CSMD3: variants seen among roughly 807,000 people sequenced by gnomAD.
CSMD3 encodes CUB and sushi domain-containing protein 3.
CSMD3 carries 177 observed loss-of-function variants against 435.2 expected under a neutral mutation model. That is an observed-to-expected ratio of 0.41 (90% CI 0.36 to 0.46). The LOEUF (loss-of-function observed/expected upper bound fraction) is 0.46. Among genes scored for constraint, CSMD3 ranks in the 20% least tolerant of loss-of-function variants. CSMD3 has a pLI of 0.34. For synonymous variants in CSMD3, 1,656 were observed against 1,520.5 expected (o/e 1.09, Z -2.07); for missense variants, 4,265 against 4,504.6 (o/e 0.95, Z 1.52).
chr8:112,384,720 T>C (rs1829783935), intron 36 of CSMD3, among the ~76,000 whole-genome samples: 1 of 152,224 alleles, frequency 6.6e-6, no homozygotes, highest in Admixed American at 6.5e-5. Flanking sequence ...GAGTGCCACA[T>C]GGCAATAGAT....
In CSMD3 at chr8:113,017,633, G is replaced by C. The variant is rs116768102; in HGVS notation, c.1030+1434C>G. On this transcript the variant is annotated intron_variant, in intron 6 of 70. Coordinates refer to ENST00000297405, the MANE Select transcript of CSMD3 (RefSeq NM_198123.2). ...CTTAACTAATTGTAGAAAGGAATCAGAGCCACAGAGTTAGGTGGATGAAAA... is the reference window on the plus strand; with the variant it reads ...CTTAACTAATTGTAGAAAGGAATCACAGCCACAGAGTTAGGTGGATGAAAA... Among the ~76,000 whole-genome samples the C allele has an allele frequency of 6.6e-3, 998 of 151,992 alleles. 11 individuals are homozygous for C. The highest frequency in any genetic ancestry group is 0.023 in the African/African-American group (957 of 41,506).
intron 10 of CSMD3, among the ~76,000 whole-genome samples, chr8:112,883,849 T>C (rs1294676826): frequency 1.4e-5 from 2 of 139,366 alleles, no homozygotes; most frequent in Non-Finnish European, 3.0e-5. Flanking sequence ...TCACTTTTTT[T>C]GTATGTGAGA....
chr8:112,647,828 T>C (rs1332238374), intron 19 of CSMD3, among the ~76,000 whole-genome samples: 1 of 152,198 alleles, frequency 6.6e-6, no homozygotes, highest in Non-Finnish European at 1.5e-5. Context: ...TTAAGTTGCA[T>C]TTGTTTTATA....
At chr8:112,465,003 T>C (rs1381194794) in intron 32 of CSMD3, among the ~76,000 whole-genome samples, 1 of 152,198 alleles carries the variant, frequency 6.6e-6, no homozygotes, top group Non-Finnish European at 1.5e-5. Context: ...GCACTTACAA[T>C]AGGCTTGACA....
chr8:112,868,121 G>A (rs1489595953), intron 10 of CSMD3, among the ~76,000 whole-genome samples: 1 of 151,452 alleles, frequency 6.6e-6, no homozygotes, highest in Admixed American at 6.6e-5. Context: ...ACACACATTA[G>A]CCTAGGTCTA....
chr8:112,524,905 T>TA (rs985087868), intron 27 of CSMD3, among the ~76,000 whole-genome samples: 1 of 152,052 alleles, frequency 6.6e-6, no homozygotes, highest in African/African-American at 2.4e-5. Context: ...ATTGGTTTCT[T>TA]AGCCACATTT....
At position 112,482,549 on chromosome 8, in the gene CSMD3, C is replaced by G. The variant is rs200893103; in HGVS notation, c.5279-9842G>C. On this transcript the variant is annotated intron_variant, in intron 31 of 70. Transcript: ENST00000297405. ...AGTCGCACGCTGTTGTCACTACCCC[C>G]AAGTTCCTGGAAACAGCTAACTTTT... Among the ~76,000 whole-genome samples the G allele has an allele frequency of 6.6e-5, 10 of 152,256 alleles. No homozygotes were observed. In the East Asian group the frequency reaches 1.2e-3, roughly 18 times the overall value.
chr8:112,543,438 T>C (rs1468142216), intron 27 of CSMD3, among the ~76,000 whole-genome samples: 1 of 152,104 alleles, frequency 6.6e-6, no homozygotes, highest in Non-Finnish European at 1.5e-5. Flanking sequence ...TGAATAGGCA[T>C]TTCTATAAAA....
intron 59 of CSMD3, among the ~76,000 whole-genome samples, chr8:112,274,808 T>C (rs1586619443): frequency 6.6e-6 from 1 of 152,116 alleles, no homozygotes; most frequent in Non-Finnish European, 1.5e-5. Flanking sequence ...CATGCAAGTA[T>C]GTATCTACAC....
Position 112,889,533 on chromosome 8 carries a change from G to C in CSMD3, c.1634-30267C>G, listed in dbSNP as rs140040479. Among the ~76,000 whole-genome samples the C allele has an allele frequency of 5.2e-3, 789 of 151,718 alleles. 15 individuals carry two copies. The highest frequency in any genetic ancestry group is 0.018 in the African/African-American group (762 of 41,466). On this transcript the variant is annotated intron_variant, in intron 10 of 70. Coordinates refer to ENST00000297405, the MANE Select transcript of CSMD3 (RefSeq NM_198123.2). ...CAAGCTGCCCAAGTATTTCCAGGCA[G>C]CACCTATGGAAATGTGTGTCTTTTG...
chr8:113,301,688 T>C (rs1383320252), intron 2 of CSMD3, among the ~76,000 whole-genome samples: 1 of 152,046 alleles, frequency 6.6e-6, no homozygotes, highest in African/African-American at 2.4e-5. Context: ...GCCTTTAGTA[T>C]TTCTGAAAAC....
intron 10 of CSMD3, among the ~76,000 whole-genome samples, chr8:112,867,205 T>C (rs1195401984): frequency 2.0e-5 from 3 of 152,158 alleles, no homozygotes; most frequent in Non-Finnish European, 4.4e-5. Flanking sequence ...CCAAGGCAAG[T>C]GCTACCCACA....
At chr8:112,744,974 T>C (rs2077395016) in intron 13 of CSMD3, among the ~76,000 whole-genome samples, 1 of 152,132 alleles carries the variant, frequency 6.6e-6, no homozygotes, top group South Asian at 2.1e-4. Flanking sequence ...ATATCTGATT[T>C]ACAAATATAA....
intron 3 of CSMD3, among the ~76,000 whole-genome samples, chr8:113,185,612 T>G (rs1478057460): frequency 6.6e-6 from 1 of 152,070 alleles, no homozygotes; most frequent in Non-Finnish European, 1.5e-5. Context: ...CTATTAAACT[T>G]TCTCTGAGGA....
intron 30 of CSMD3, among the ~76,000 whole-genome samples, chr8:112,497,468 A>G (rs1193347993): frequency 1.6e-5 from 2 of 128,360 alleles, no homozygotes; most frequent in Non-Finnish European, 3.2e-5. Context: ...AAAATATCTC[A>G]TGTACTCCAT....
chr8:112,839,593 C>T (rs143480367), intron 11 of CSMD3, among the ~76,000 whole-genome samples: 14 of 151,626 alleles, frequency 9.2e-5, no homozygotes, highest in African/African-American at 3.1e-4. Context: ...TAAGTTAGGT[C>T]GTATATATCC....
chr8:112,827,798 G>A lies in CSMD3; in HGVS notation c.1859+1888C>T, dbSNP rs575014520. ...GCAGGCAACGCAAAGGATCTTAGAA[G>A]CTCAAGTGGAAAATGATAGAGGGAT... is the stretch of plus-strand genomic sequence containing the variant. On this transcript the variant is annotated intron_variant, in intron 12 of 70. Transcript: ENST00000297405. 5.3e-5 allele frequency among the ~76,000 whole-genome samples: 8 copies of A among 152,298 alleles called. No homozygotes were observed. The South Asian group carries it at 1.5e-3, about 28-fold the overall frequency.
At chr8:112,327,793 G>T (rs1467413647) in intron 45 of CSMD3, among the ~76,000 whole-genome samples, 1 of 152,140 alleles carries the variant, frequency 6.6e-6, no homozygotes, top group Non-Finnish European at 1.5e-5. Context: ...GTCCAAATGT[G>T]CATAGATATC....
At chr8:112,792,295 AG>A (rs2078711077) in intron 13 of CSMD3, among the ~76,000 whole-genome samples, 1 of 152,086 alleles carries the variant, frequency 6.6e-6, no homozygotes, top group Non-Finnish European at 1.5e-5. Context: ...CACAATCTGG[AG>A]GCTGTGAATT....
Sources: allele counts gnomAD v4.1 joint callset (sites outside exome capture counted in the v4.1 genomes callset), GRCh38; gene constraint gnomAD v4.1.1; transcripts MANE v1.5; gene names NCBI Gene and HGNC (gene_info 2026-07-23, HGNC 2026-07-21).